Variants in TMLHE observed in about 807,000 individuals in gnomAD.
TMLHE encodes trimethyllysine dioxygenase, mitochondrial.
TMLHE carries 18 observed loss-of-function variants against 25.7 expected under a neutral mutation model. The observed-to-expected ratio is 0.70, with a 90% CI of 0.48 to 1.04. The LOEUF (loss-of-function observed/expected upper bound fraction) is 1.04, where lower values mean the gene tolerates loss of function less well. TMLHE is among the 50% of genes least tolerant of loss of function. The pLI, the probability that TMLHE is intolerant of heterozygous loss-of-function variation, is 0.00. For synonymous variants in TMLHE, 105 were observed against 97.0 expected (o/e 1.08, Z -0.49); for missense variants, 236 against 259.0 (o/e 0.91, Z 0.61).
intron 1 of TMLHE, among the ~76,000 whole-genome samples, chrX:155,602,728 A>G (rs782313323): frequency 9.9e-4 from 111 of 111,665 alleles, no homozygotes; most frequent in Non-Finnish European, 1.7e-3. Flanking sequence ...AATTCTACTC[A>G]ACAAAGTCAC....
chrX:155,504,525 GTCGT>G (rs1346739390), intron 6 of TMLHE, among the ~76,000 whole-genome samples: 8 of 107,666 alleles, frequency 7.4e-5, no homozygotes, highest in Non-Finnish European at 1.5e-4. Context: ...GCAAGAGTTG[GTCGT>G]TTAAAAGAGT....
chrX:155,543,545 A>C (rs1207211974), intron 2 of TMLHE, among the ~76,000 whole-genome samples: 2 of 112,494 alleles, frequency 1.8e-5, no homozygotes, highest in African/African-American at 6.4e-5. Context: ...ATAAATGAAA[A>C]AAATTCCATC....
intron 1 of TMLHE, among the ~76,000 whole-genome samples, chrX:155,552,314 A>C (rs940379973): frequency 1.8e-5 from 2 of 109,850 alleles, no homozygotes; most frequent in Non-Finnish European, 3.8e-5. Context: ...GATTGATATT[A>C]TTTCTTTCTT....
intron 1 of TMLHE, among the ~76,000 whole-genome samples, chrX:155,589,865 C>T (rs2067685308): frequency 8.9e-6 from 1 of 111,780 alleles, no homozygotes; most frequent in Non-Finnish European, 1.9e-5. Flanking sequence ...TTTATCCATC[C>T]TATGCATGTA....
chrX:155,574,715 T>A (rs1417417829), intron 1 of TMLHE, among the ~76,000 whole-genome samples: 1 of 110,361 alleles, frequency 9.1e-6, no homozygotes, highest in African/African-American at 3.3e-5. Flanking sequence ...TTAAAGGAAA[T>A]TAGGAGAACA....
chrX:155,602,682 C>T (rs5983748), intron 1 of TMLHE, among the ~76,000 whole-genome samples: 121 of 111,254 alleles, frequency 1.1e-3, no homozygotes, highest in African/African-American at 3.9e-3. Flanking sequence ...TGCACACATA[C>T]ACATGGACAC....
chrX:155,556,048 T>G (rs781984662), intron 1 of TMLHE, among the ~76,000 whole-genome samples: 14 of 109,987 alleles, frequency 1.3e-4, no homozygotes, highest in African/African-American at 4.6e-4. Context: ...GGTCTCTTCT[T>G]AGTGAAAGAG....
rs189694626 is a variant in TMLHE at position 155,525,634 on chromosome X, G to A, written c.182-1002C>T. On this transcript the variant is annotated intron_variant, in intron 2 of 7. Coordinates refer to ENST00000334398, the MANE Select transcript of TMLHE (RefSeq NM_018196.4). The stretch of plus-strand genomic sequence containing the variant: ...AGACAGAAAGGCGAGGGAAATTTAG[G>A]AACTTCCTAGAGACTTCTTGAATAG... Among the ~76,000 whole-genome samples, 492 of 112,036 alleles carry A rather than the reference G, an allele frequency of 4.4e-3. 2 individuals are homozygous for A. The highest frequency in any genetic ancestry group is 0.016 in the African/African-American group (482 of 30,824).
At chrX:155,603,369 T>TGAATGAAAGAAAGAAAGAAAGAAA (rs1341300723) in intron 1 of TMLHE, among the ~76,000 whole-genome samples, 10 of 99,288 alleles carry the variant, frequency 1.0e-4, no homozygotes, top group African/African-American at 3.9e-4. Context: ...AAAGAAAGAA[T>TGAATGAAAGAAAGAAAGAAAGAAA]GAAAGAAAGA....
intron 2 of TMLHE, among the ~76,000 whole-genome samples, chrX:155,538,024 C>T (rs2067289478): frequency 9.0e-6 from 1 of 111,086 alleles, no homozygotes; most frequent in South Asian, 3.8e-4. Context: ...AATACAATAT[C>T]ATCATTAACT....
At chrX:155,510,996 G>A (rs1457625948) in intron 5 of TMLHE, among the ~76,000 whole-genome samples, 1 of 111,010 alleles carries the variant, frequency 9.0e-6, no homozygotes, top group Non-Finnish European at 1.9e-5. Context: ...TTCTCTGATG[G>A]CCAGTAATGA....
Position 155,514,185 on chromosome X carries a change from G to C in TMLHE, c.439C>G (p.Gln147Glu). The C allele has an allele frequency of 1.7e-6, 2 of 1,210,380 alleles. No individual in the cohort carries two copies. The highest frequency in any genetic ancestry group is 1.8e-5 in the South Asian group (1 of 56,853). The change falls in exon 4 of 8, where the codon CAG (glutamine) becomes GAG (glutamate). Residue 147 changes from glutamine to glutamate, a missense_variant. Gln to Glu is a conservative substitution (Grantham distance 29). Around this residue, in one of 2 missense-constraint regions of TMLHE, gnomAD observed 217 missense variants for 214.6 expected, o/e 1.01. Coordinates refer to ENST00000334398, the MANE Select transcript of TMLHE (RefSeq NM_018196.4). Reference sequence around the variant, plus strand: ...TCAGCATTCCATAGTATTCTAGGCTGGATGACTTTTTGTTTCTGCCCTTCA... The same window carrying C: ...TCAGCATTCCATAGTATTCTAGGCTCGATGACTTTTTGTTTCTGCCCTTCA... ...SYEGQKQKVIQPRILWNAEIY... is the reference protein window; with the variant it reads ...SYEGQKQKVIEPRILWNAEIY...
chrX:155,555,243 T>C (rs2067442639), intron 1 of TMLHE, among the ~76,000 whole-genome samples: 1 of 110,822 alleles, frequency 9.0e-6, no homozygotes, highest in Admixed American at 9.5e-5. Context: ...TTCCATGGTG[T>C]ATATGTACCA....
At chrX:155,538,283 G>A (rs1177949678) in intron 2 of TMLHE, among the ~76,000 whole-genome samples, 13 of 111,387 alleles carry the variant, frequency 1.2e-4, no homozygotes, top group African/African-American at 3.3e-5. Flanking sequence ...GTTCATTCAC[G>A]TTGCTGCAAA....
intron 1 of TMLHE, among the ~76,000 whole-genome samples, chrX:155,552,689 T>C (rs1221364618): frequency 9.1e-6 from 1 of 110,128 alleles, no homozygotes; most frequent in Non-Finnish European, 1.9e-5. Context: ...TCAATAATGC[T>C]GTCTGTCAAA....
chrX:155,556,330 ATTATC>A (rs2067455017), intron 1 of TMLHE, among the ~76,000 whole-genome samples: 1 of 86,801 alleles, frequency 1.2e-5, no homozygotes, highest in African/African-American at 3.8e-5. Flanking sequence ...CTTCTGTCCT[ATTATC>A]GGGGGACCTG....
At chrX:155,557,383 C>T (rs1018797429) in intron 1 of TMLHE, among the ~76,000 whole-genome samples, 7 of 112,039 alleles carry the variant, frequency 6.2e-5, no homozygotes, top group Non-Finnish European at 1.3e-4. Context: ...CCGTTTGGGG[C>T]CCCTCACTTC....
chrX:155,537,949 T>C (rs782096298), intron 2 of TMLHE, among the ~76,000 whole-genome samples: 18 of 112,257 alleles, frequency 1.6e-4, no homozygotes, highest in Non-Finnish European at 2.8e-4. Context: ...AATTAATAAA[T>C]GGATTACTTC....
At chrX:155,542,572 G>A (rs931455689) in intron 2 of TMLHE, among the ~76,000 whole-genome samples, 2 of 111,791 alleles carry the variant, frequency 1.8e-5, no homozygotes, top group Non-Finnish European at 3.8e-5. Context: ...CTTGAAAAAT[G>A]AGACCAAAAT....
Sources: allele counts gnomAD v4.1 joint callset (sites outside exome capture counted in the v4.1 genomes callset), GRCh38; gene constraint gnomAD v4.1.1; regional missense constraint gnomAD v4.1.1; transcripts MANE v1.5; gene names NCBI Gene and HGNC (gene_info 2026-07-23, HGNC 2026-07-21).